Variants in FHIT observed in about 807,000 individuals in gnomAD.
FHIT encodes the protein bis(5'-adenosyl)-triphosphatase.
FHIT carries 19 observed loss-of-function variants against 17.9 expected under a neutral mutation model. That is an observed-to-expected ratio of 1.06 (90% confidence interval 0.74 to 1.56). The LOEUF is 1.56. FHIT is among the 40% of genes most tolerant of loss of function. The probability of loss-of-function intolerance (pLI) is 0.00; values close to 1 mark genes in which losing one functional copy is unlikely to be tolerated. For synonymous variants in FHIT, 81 were observed against 69.7 expected, an observed-to-expected ratio of 1.16 and a Z score of -0.81; for missense variants, 248 against 189.2, an observed-to-expected ratio of 1.31 and a Z score of -1.82.
At chr3:60,560,209 T>C (rs188915993) in intron 4 of FHIT, among the ~76,000 whole-genome samples, 1 of 152,278 alleles carries the variant, frequency 6.6e-6, no homozygotes, top group East Asian at 1.9e-4. Flanking sequence ...AAGAATGTGG[T>C]GTTAACTAAT....
At chr3:59,792,866 A>C (rs1040070848) in intron 8 of FHIT, among the ~76,000 whole-genome samples, 3 of 103,848 alleles carry the variant, frequency 2.9e-5, no homozygotes, top group African/African-American at 1.3e-4. Flanking sequence ...GGAGGTCCTT[A>C]TTTTTTGGGG....
chr3:60,494,337 T>C (rs2107507903), intron 5 of FHIT, among the ~76,000 whole-genome samples: 1 of 152,318 alleles, frequency 6.6e-6, no homozygotes, highest in South Asian at 2.1e-4. Flanking sequence ...TTAATTTTTA[T>C]TTTTGTAGGT....
At chr3:60,305,494 A>G (rs1041369427) in intron 5 of FHIT, among the ~76,000 whole-genome samples, 1 of 152,102 alleles carries the variant, frequency 6.6e-6, no homozygotes, top group South Asian at 2.1e-4. Flanking sequence ...CAACAAGTTA[A>G]TATCTACTCT....
intron 3 of FHIT, among the ~76,000 whole-genome samples, chr3:60,931,006 C>T (rs1207813606): frequency 1.3e-5 from 2 of 152,150 alleles, no homozygotes; most frequent in Non-Finnish European, 2.9e-5. Flanking sequence ...AAATGTGGCA[C>T]ATATACACCA....
At chr3:60,331,848 G>GAAA (rs34970290) in intron 5 of FHIT, among the ~76,000 whole-genome samples, 22 of 141,040 alleles carry the variant, frequency 1.6e-4, no homozygotes, top group African/African-American at 5.3e-4. Context: ...CTCTGTCTCG[G>GAAA]AAAAAAAAAA....
chr3:60,953,807 C>T lies in FHIT; in HGVS notation c.-111+88240G>A, dbSNP rs138442755. Among the ~76,000 whole-genome samples, 466 of 152,262 alleles carry T rather than the reference C, an allele frequency of 3.1e-3. 1 individual carries two copies. Among genetic ancestry groups the T allele is most frequent in the African/African-American group, 0.01 (426 of 41,550 alleles). On this transcript the variant is annotated intron_variant, in intron 3 of 9. Coordinates refer to ENST00000492590, the MANE Select transcript of FHIT (RefSeq NM_002012.4). ...ATGATGAAGTTAGAAGAGACGAAGA[C>T]GAGAAGGGTGCCAGATTCATTACTA...
chr3:60,903,485 G>A (rs1313245491), intron 3 of FHIT, among the ~76,000 whole-genome samples: 1 of 152,172 alleles, frequency 6.6e-6, no homozygotes, highest in Non-Finnish European at 1.5e-5. Flanking sequence ...TGAAACTAGT[G>A]CACACTTCTA....
intron 3 of FHIT, among the ~76,000 whole-genome samples, chr3:60,869,552 A>G (rs1704311384): frequency 1.3e-5 from 2 of 152,210 alleles, no homozygotes; most frequent in Non-Finnish European, 1.5e-5. Context: ...TCCAAATTTC[A>G]GAAAGTGAGA....
At chr3:60,757,325 C>A (rs4974255) in intron 4 of FHIT, among the ~76,000 whole-genome samples, 43,624 of 152,076 alleles carry the variant, frequency 0.29, 7,232 homozygotes, top group Middle Eastern at 0.37. Context: ...GAACAAGAAG[C>A]AACTGACTTT....
intron 3 of FHIT, among the ~76,000 whole-genome samples, chr3:60,859,914 C>T (rs1261461594): frequency 5.3e-5 from 8 of 149,676 alleles, no homozygotes; most frequent in East Asian, 2.0e-4. Flanking sequence ...TGTGGTGGCA[C>T]GTGCCTGTAA....
At chr3:60,050,535 G>A (rs539344906) in intron 5 of FHIT, among the ~76,000 whole-genome samples, 8 of 152,278 alleles carry the variant, frequency 5.3e-5, no homozygotes, top group African/African-American at 1.9e-4. Flanking sequence ...AAGAATGTAT[G>A]TGCATAAAAT....
intron 5 of FHIT, 58 bp downstream of exon 5, chr3:60,536,802 G>A: frequency 6.6e-7 from 1 of 1,523,322 alleles, no homozygotes; most frequent in Non-Finnish European, 8.8e-7. Flanking sequence ...TATTCATTTG[G>A]CTGGTTAGGC....
At chr3:60,966,913 C>A (rs1709771107) in intron 3 of FHIT, among the ~76,000 whole-genome samples, 1 of 152,236 alleles carries the variant, frequency 6.6e-6, no homozygotes, top group Middle Eastern at 3.4e-3. Flanking sequence ...TCCAAATCAG[C>A]TGATGCTTTT....
At chr3:59,805,010 C>A (rs944610168) in intron 8 of FHIT, among the ~76,000 whole-genome samples, 1 of 152,112 alleles carries the variant, frequency 6.6e-6, no homozygotes. Flanking sequence ...GGAGAGGGAG[C>A]TAAGGCGGCC....
chr3:59,804,932 C>A (rs1333978551), intron 8 of FHIT, among the ~76,000 whole-genome samples: 4 of 152,112 alleles, frequency 2.6e-5, no homozygotes, highest in African/African-American at 7.2e-5. Flanking sequence ...TGGGCTCTCT[C>A]GAGACAGGTA....
intron 5 of FHIT, among the ~76,000 whole-genome samples, chr3:60,179,564 CA>C (rs2107436611): frequency 6.6e-6 from 1 of 152,000 alleles, no homozygotes; most frequent in African/African-American, 2.4e-5. Flanking sequence ...GAGGATGTGC[CA>C]TTTTTTTTTA....
intron 8 of FHIT, among the ~76,000 whole-genome samples, chr3:59,905,754 C>T (rs533317383): frequency 4.6e-5 from 7 of 152,254 alleles, no homozygotes; most frequent in Admixed American, 3.3e-4. Flanking sequence ...AACCCGAATA[C>T]GTAACTTCCT....
At chr3:60,881,847 A>G (rs1397596725) in intron 3 of FHIT, among the ~76,000 whole-genome samples, 1 of 152,126 alleles carries the variant, frequency 6.6e-6, no homozygotes, top group African/African-American at 2.4e-5. Flanking sequence ...AAGAACAAAA[A>G]TGAAAACAAG....
intron 5 of FHIT, among the ~76,000 whole-genome samples, chr3:60,205,236 C>A (rs935485422): frequency 1.1e-4 from 16 of 151,994 alleles, no homozygotes; most frequent in African/African-American, 3.9e-4. Context: ...TATACAGTAG[C>A]CTTGAAGGGA....
Sources: allele counts gnomAD v4.1 joint callset (sites outside exome capture counted in the v4.1 genomes callset), GRCh38; gene constraint gnomAD v4.1.1; transcripts MANE v1.5; gene names NCBI Gene and HGNC (gene_info 2026-07-23, HGNC 2026-07-21).